GRM5: variants seen among roughly 807,000 people sequenced by gnomAD.
GRM5 encodes the protein glutamate metabotropic receptor 5.
GRM5 carries 19 observed loss-of-function variants against 83.1 expected under a neutral mutation model. That is an observed-to-expected ratio of 0.23 (90% CI 0.16 to 0.34). The LOEUF is 0.34. GRM5 is among the 10% of genes least tolerant of loss of function. GRM5 has a pLI of 1.00. For missense variants in GRM5, 1,160 were observed against 1,588.3 expected (o/e 0.73, Z 4.58); for synonymous variants, 675 against 633.6 (o/e 1.07, Z -0.98).
chr11:88,907,281 C>T (rs1945420082), intron 2 of GRM5, among the ~76,000 whole-genome samples: 1 of 152,120 alleles, frequency 6.6e-6, no homozygotes, highest in Admixed American at 6.6e-5. Context: ...AGCCTTCCAA[C>T]AGCTGGGAGG....
intron 3 of GRM5, among the ~76,000 whole-genome samples, chr11:88,799,785 T>G (rs755137216): frequency 3.3e-5 from 5 of 152,192 alleles, no homozygotes; most frequent in African/African-American, 4.8e-5. Flanking sequence ...CTCCTTTTTC[T>G]TATCCTTCAC....
At chr11:88,754,432 A>C (rs919784164) in intron 3 of GRM5, among the ~76,000 whole-genome samples, 1 of 152,158 alleles carries the variant, frequency 6.6e-6, no homozygotes, top group African/African-American at 2.4e-5. Context: ...TGAACTTAAA[A>C]TAAAAGTTGA....
chr11:89,060,945 C>A (rs188217466), intron 1 of GRM5, among the ~76,000 whole-genome samples: 2 of 152,180 alleles, frequency 1.3e-5, no homozygotes, highest in South Asian at 2.1e-4. Flanking sequence ...ACTAAAATGA[C>A]TAGAATTAAT....
chr11:88,879,555 A>G (rs1672627800), intron 2 of GRM5, among the ~76,000 whole-genome samples: 1 of 152,060 alleles, frequency 6.6e-6, no homozygotes, highest in South Asian at 2.1e-4. Flanking sequence ...ACATTAAAAA[A>G]GCTGGTGAGA....
chr11:88,594,414 C>G (rs910936502), intron 6 of GRM5, among the ~76,000 whole-genome samples: 4 of 152,166 alleles, frequency 2.6e-5, no homozygotes, highest in African/African-American at 9.7e-5. Flanking sequence ...AACTCAGCAA[C>G]TCAGCTATCC....
In GRM5 at chr11:88,504,777, T is replaced by C. The variant is rs927032347; in HGVS notation, c.*3815A>G. The C allele has an allele frequency of 6.6e-6, 1 of 152,136 alleles. No homozygotes were observed. Among genetic ancestry groups the C allele is most frequent in the African/African-American group, 2.4e-5 (1 of 41,462 alleles). The allele number at this position is 152,136 out of a possible 1,614,324, so 9.4% of individuals were successfully genotyped here. On this transcript the variant is annotated 3_prime_UTR_variant, in exon 10 of 10. Transcript: ENST00000305447. ...AAATCATTTGCAGTTCACATCAAAA[T>C]AATTTAACATTCTCTATTATTTTAA... is the stretch of plus-strand genomic sequence containing the variant.
At chr11:88,566,571 T>C (rs530097211) in intron 8 of GRM5, among the ~76,000 whole-genome samples, 1 of 152,298 alleles carries the variant, frequency 6.6e-6, no homozygotes, top group South Asian at 2.1e-4. Flanking sequence ...CTCTATTGGA[T>C]GGGCATTTAA....
intron 3 of GRM5, among the ~76,000 whole-genome samples, chr11:88,771,466 A>G (rs1942735616): frequency 6.6e-6 from 1 of 152,106 alleles, no homozygotes; most frequent in Non-Finnish European, 1.5e-5. Flanking sequence ...AAAAACCTGG[A>G]GTCTGATGTT....
intron 2 of GRM5, among the ~76,000 whole-genome samples, chr11:88,912,576 A>G (rs1945517970): frequency 6.6e-6 from 1 of 152,152 alleles, no homozygotes; most frequent in African/African-American, 2.4e-5. Context: ...TAACCTGTCC[A>G]TAATGAAGAA....
Position 88,567,034 on chromosome 11 carries a change from A to C in GRM5, c.2630+19T>G. 6.7e-7 allele frequency: 1 copy of C among 1,498,472 alleles called. No individual in the cohort carries two copies. Among genetic ancestry groups the C allele is most frequent in the South Asian group, 1.2e-5 (1 of 82,644 alleles). 92.8% of individuals were successfully genotyped at this position (1,498,472 alleles called of 1,614,324 possible). ...CAGTTTTAGGGGCCAGCATCCCTGT[A>C]AGCCCCCACAACTTTTACCTTAAGG... is the stretch of plus-strand genomic sequence containing the variant. On this transcript the variant is annotated intron_variant, in intron 8 of 9. Transcript: ENST00000305447. This position sits in a 1 kb window ranked among gnomAD's most constrained non-coding sequence, Gnocchi z 7.3.
At chr11:88,538,815 C>T (rs749353233) in intron 8 of GRM5, among the ~76,000 whole-genome samples, 1 of 152,196 alleles carries the variant, frequency 6.6e-6, no homozygotes, top group Non-Finnish European at 1.5e-5. Flanking sequence ...AACTAGGACA[C>T]AGGAGATCAA....
intron 2 of GRM5, among the ~76,000 whole-genome samples, chr11:88,968,647 G>A (rs1433726083): frequency 6.6e-6 from 1 of 152,114 alleles, no homozygotes; most frequent in African/African-American, 2.4e-5. Flanking sequence ...CTGTACTGCA[G>A]CCTGGGAGAC....
chr11:88,770,854 G>A (rs567901795), intron 3 of GRM5, among the ~76,000 whole-genome samples: 157 of 152,122 alleles, frequency 1.0e-3, no homozygotes, highest in Middle Eastern at 3.4e-3. Flanking sequence ...TAATGTATTC[G>A]GTTTGAAACA....
intron 3 of GRM5, among the ~76,000 whole-genome samples, chr11:88,679,983 A>T (rs532487854): frequency 6.6e-6 from 1 of 152,248 alleles, no homozygotes; most frequent in African/African-American, 2.4e-5. Context: ...CAATTATTAA[A>T]CCACTAATTC....
At chr11:88,821,344 C>CAAAAAAAAAAAAAAAAAAAA (rs375051761) in intron 3 of GRM5, among the ~76,000 whole-genome samples, 3 of 68,122 alleles carry the variant, frequency 4.4e-5, no homozygotes, top group Middle Eastern at 8.3e-3. Context: ...CTTGAGGGGC[C>CAAAAAAAAAAAAAAAAAAAA]AAAAAAAAAA....
At chr11:88,662,459 GCATCCAAGAT>G (rs1363323681) in intron 3 of GRM5, among the ~76,000 whole-genome samples, 2 of 151,976 alleles carry the variant, frequency 1.3e-5, no homozygotes, top group Admixed American at 1.3e-4. Context: ...TTCTAAAATG[GCATCCAAGAT>G]CTCTGATCTT....
At chr11:89,001,106 TGCTAG>T in intron 2 of GRM5, among the ~76,000 whole-genome samples, 1 of 152,026 alleles carries the variant, frequency 6.6e-6, no homozygotes, top group Non-Finnish European at 1.5e-5. Flanking sequence ...TAAAATAACC[TGCTAG>T]GTTATTTTAC....
intron 2 of GRM5, among the ~76,000 whole-genome samples, chr11:89,002,889 C>G (rs1167858479): frequency 6.6e-6 from 1 of 152,018 alleles, no homozygotes. Context: ...CTCAGTAAGG[C>G]TCACCCAGAG....
At chr11:88,855,401 T>C (rs1944456533) in intron 2 of GRM5, among the ~76,000 whole-genome samples, 2 of 151,966 alleles carry the variant, frequency 1.3e-5, no homozygotes, top group African/African-American at 4.8e-5. Context: ...GAATACATTT[T>C]TCCATGTTGT....
Sources: allele counts gnomAD v4.1 joint callset (sites outside exome capture counted in the v4.1 genomes callset), GRCh38; gene constraint gnomAD v4.1.1; non-coding constraint Gnocchi (gnomAD v3.1); transcripts MANE v1.5; gene names NCBI Gene and HGNC (gene_info 2026-07-23, HGNC 2026-07-21).